The following JPH3 variants were observed in gnomAD, a reference collection of about 807,000 sequenced individuals.
JPH3 encodes junctophilin 3, also known as junctophilin-3.
A neutral mutation model predicts 59.6 loss-of-function variants in JPH3; 11 were observed. The ratio of observed to expected loss-of-function variants is 0.18; its 90% CI spans 0.12 to 0.31. The LOEUF (loss-of-function observed/expected upper bound fraction) is 0.31. Among genes scored for constraint, JPH3 ranks in the 10% least tolerant of loss-of-function variants. The pLI, the probability that JPH3 is intolerant of heterozygous loss-of-function variation, is 1.00. For missense variants in JPH3, 1,202 were observed against 1,105.7 expected, an observed-to-expected ratio of 1.09 and a Z score of -1.24; for synonymous variants, 673 against 483.6, an observed-to-expected ratio of 1.39 and a Z score of -5.14.
At chr16:87,651,716 A>T (rs1280125580) in intron 2 of JPH3, among the ~76,000 whole-genome samples, 1 of 152,258 alleles carries the variant, frequency 6.6e-6, no homozygotes, top group Non-Finnish European at 1.5e-5. Context: ...GTTGCTGCTT[A>T]GGGGTGAAAC....
intron 1 of JPH3, chr16:87,604,321 C>T (rs1321313927): frequency 6.8e-7 from 1 of 1,461,648 alleles, no homozygotes; most frequent in Admixed American, 2.1e-5. Context: ...GCTGCTGCTG[C>T]TGCTGCTGTA....
intron 2 of JPH3, among the ~76,000 whole-genome samples, chr16:87,661,971 G>T (rs1251631538): frequency 6.6e-6 from 1 of 152,272 alleles, no homozygotes; most frequent in Admixed American, 6.5e-5. Flanking sequence ...TACGCTCACA[G>T]ATTCGTCCTG....
At chr16:87,614,984 G>A (rs1257452689) in intron 1 of JPH3, among the ~76,000 whole-genome samples, 19 of 108,796 alleles carry the variant, frequency 1.7e-4, no homozygotes, top group Admixed American at 2.8e-4. Flanking sequence ...GGAGCCGCGC[G>A]TCCCCTCCCG....
chr16:87,684,214 C>T lies in JPH3; in HGVS notation c.1233C>T (p.Ile411=), dbSNP rs140244379. 548 of 1,613,824 alleles carry T rather than the reference C, an allele frequency of 3.4e-4. No individual in the cohort carries two copies. The highest frequency in any genetic ancestry group is 1.2e-3 in the East Asian group (53 of 44,892). The change falls in exon 3 of 5, where the codon ATC becomes ATT. Residue 411 remains isoleucine (I), a synonymous_variant. Coordinates refer to ENST00000284262, the MANE Select transcript of JPH3 (RefSeq NM_020655.4). ...AGAAAGCCCAGGAGGAGGCGCGGAT[C>T]GCCAGGATCACTGCCAAAGAGTTCT... The part of the protein sequence containing the change: ...AAQKAQEEAR[I]ARITAKEFSP...
At chr16:87,641,324 TTGA>T (rs1185469813) in intron 1 of JPH3, among the ~76,000 whole-genome samples, 2 of 152,056 alleles carry the variant, frequency 1.3e-5, no homozygotes, top group Non-Finnish European at 2.9e-5. Context: ...GCTTTTGATG[TTGA>T]TGGCAGTGAG....
chr16:87,651,647 G>C (rs1035678290), intron 2 of JPH3, among the ~76,000 whole-genome samples: 1 of 152,268 alleles, frequency 6.6e-6, no homozygotes, highest in Non-Finnish European at 1.5e-5. Flanking sequence ...ATTAGAAGCG[G>C]AGCCTGCCGA....
At chr16:87,630,453 TG>T (rs2031529466) in intron 1 of JPH3, among the ~76,000 whole-genome samples, 1 of 152,028 alleles carries the variant, frequency 6.6e-6, no homozygotes, top group African/African-American at 2.4e-5. Flanking sequence ...CAGTCCTCCC[TG>T]GGGAGCAGGA....
chr16:87,640,783 C>T (rs952022801), intron 1 of JPH3, among the ~76,000 whole-genome samples: 13 of 152,338 alleles, frequency 8.5e-5, no homozygotes, highest in East Asian at 5.8e-4. Context: ...TGTTACCAGG[C>T]GTCCTGTGTT....
rs1356321355 is a variant in JPH3, at chr16:87,611,944, A to G, written c.382+8416A>G. On this transcript the variant is annotated intron_variant, in intron 1 of 4. Transcript: ENST00000284262. This position sits in a 1 kb window ranked among gnomAD's most constrained non-coding sequence, Gnocchi z 4.5. ...GGCCTGCCTGACCTCCAGGGTCAGG[A>G]TGTGTGTTTGGAGATGCTCAGGTGG... Among the ~76,000 whole-genome samples the G allele has an allele frequency of 6.6e-6, 1 of 152,048 alleles. No homozygotes were observed. Among genetic ancestry groups the G allele is most frequent in the African/African-American group, 2.4e-5 (1 of 41,386 alleles).
rs1460575861 is a variant in JPH3, at chr16:87,644,349, A to C, written c.474A>C (p.Ser158=). 2 of 1,612,760 alleles carry C rather than the reference A, an allele frequency of 1.2e-6. No homozygotes were observed. The highest frequency in any genetic ancestry group is 1.7e-6 in the Non-Finnish European group (2 of 1,179,882). The change falls in exon 2 of 5, where the codon TCA becomes TCC. Residue 158 remains serine, a synonymous_variant. Transcript: ENST00000284262. ...ATGGCATGGCCGCGGTCATCCGCTCACCCCTGAGGACGTCCATCAACTCCC... is the reference window on the plus strand; with the variant it reads ...ATGGCATGGCCGCGGTCATCCGCTCCCCCCTGAGGACGTCCATCAACTCCC... ...VPYGMAAVIR[S]PLRTSINSLR... is the part of the protein sequence containing the mutation.
chr16:87,636,706 G>A (rs1246984797), intron 1 of JPH3, among the ~76,000 whole-genome samples: 1 of 152,214 alleles, frequency 6.6e-6, no homozygotes, highest in Non-Finnish European at 1.5e-5. Context: ...GTTCCCACCA[G>A]GGGCAAAAAT....
rs763624700 is a variant in JPH3 at position 87,644,360 on chromosome 16, C to T, written c.485C>T (p.Thr162Met). 1.3e-5 allele frequency: 21 copies of T among 1,612,856 alleles called. No individual in the cohort carries two copies. The highest frequency in any genetic ancestry group is 7.7e-5 in the South Asian group (7 of 91,076). ...GCGGTCATCCGCTCACCCCTGAGGACGTCCATCAACTCCCTGCGCAGCGAG... is the reference window on the plus strand; with the variant it reads ...GCGGTCATCCGCTCACCCCTGAGGATGTCCATCAACTCCCTGCGCAGCGAG... ...MAAVIRSPLR[T>M]SINSLRSEHT... Residue 162 changes from threonine (T) to methionine (M), a missense_variant, in exon 2 of 5, where the codon ACG (threonine) becomes ATG (methionine). Thr to Met is a moderately conservative substitution (Grantham distance 81). Transcript: ENST00000284262.
chr16:87,635,793 CCT>C (rs1193121401), intron 1 of JPH3, among the ~76,000 whole-genome samples: 3 of 152,216 alleles, frequency 2.0e-5, no homozygotes, highest in Non-Finnish European at 2.9e-5. Context: ...CTTCCGACTT[CCT>C]CTCTCAGTGT....
intron 2 of JPH3, among the ~76,000 whole-genome samples, chr16:87,664,655 C>T (rs78913518): frequency 0.12 from 18,144 of 152,228 alleles, 1,275 homozygotes; most frequent in South Asian, 0.28. Context: ...TCCGTCTCCT[C>T]GGCGAGTGGA....
At chr16:87,620,942 G>C (rs1333831635) in intron 1 of JPH3, among the ~76,000 whole-genome samples, 2 of 152,182 alleles carry the variant, frequency 1.3e-5, no homozygotes, top group Non-Finnish European at 2.9e-5. Flanking sequence ...CTGAGCACTT[G>C]AGGTCAGGAG....
intron 1 of JPH3, among the ~76,000 whole-genome samples, chr16:87,635,574 T>G (rs76870647): frequency 6.6e-6 from 1 of 152,016 alleles, no homozygotes; most frequent in Admixed American, 6.5e-5. Context: ...GCAGGGTCCC[T>G]TGAGCATTAG....
intron 1 of JPH3, among the ~76,000 whole-genome samples, chr16:87,621,782 G>A (rs1341588010): frequency 4.6e-5 from 7 of 152,168 alleles, no homozygotes; most frequent in Admixed American, 4.6e-4. Context: ...GGTGGGGAGG[G>A]GACAGTCTAG....
intron 1 of JPH3, 43 bp downstream of exon 1, chr16:87,603,571 G>A (rs1456429948): frequency 6.6e-7 from 1 of 1,526,154 alleles, no homozygotes; most frequent in Admixed American, 2.1e-5. Context: ...GGAGGGACGT[G>A]CTTCCGATCG....
chr16:87,687,346 G>T (rs2033443115), intron 3 of JPH3, among the ~76,000 whole-genome samples: 4 of 152,188 alleles, frequency 2.6e-5, no homozygotes, highest in Admixed American at 2.6e-4. Flanking sequence ...TCTGAAGCCT[G>T]GGCCATGCCG....
Sources: gnomAD v4.1 joint callset for allele counts (sites outside exome capture counted in the v4.1 genomes callset) on GRCh38, gnomAD v4.1.1 for gene constraint, Gnocchi (gnomAD v3.1) non-coding constraint, MANE v1.5 for transcripts, NCBI Gene and HGNC (gene_info 2026-07-23, HGNC 2026-07-21) for gene names.